KIF18A: variants seen among roughly 807,000 people sequenced by gnomAD.
The protein encoded by KIF18A is kinesin family member 18A.
A neutral mutation model predicts 103.3 loss-of-function variants in KIF18A; 67 were observed. The observed-to-expected ratio is 0.65, with a 90% CI of 0.53 to 0.79. The LOEUF (loss-of-function observed/expected upper bound fraction) is 0.79, where lower values mean the gene tolerates loss of function less well. KIF18A is among the 30% of genes least tolerant of loss of function. KIF18A has a pLI of 0.00. For missense variants in KIF18A, 1,032 were observed against 1,062.5 expected (o/e 0.97, Z 0.40); for synonymous variants, 367 against 355.5 (o/e 1.03, Z -0.36).
chr11:28,076,017 G>T (rs1851086725), intron 10 of KIF18A, among the ~76,000 whole-genome samples: 1 of 151,842 alleles, frequency 6.6e-6, no homozygotes, highest in South Asian at 2.1e-4. Context: ...TGGTTGGCAA[G>T]AATTTTTTTT....
intron 2 of KIF18A, among the ~76,000 whole-genome samples, chr11:28,096,391 T>C (rs945245896): frequency 2.0e-5 from 3 of 152,186 alleles, no homozygotes; most frequent in Admixed American, 6.5e-5. Context: ...GGTGTATATT[T>C]TACTTTGTTC....
chr11:28,088,434 A>T, intron 6 of KIF18A, 90 bp downstream of exon 6: 2 of 1,086,310 alleles, frequency 1.8e-6, no homozygotes, highest in Non-Finnish European at 1.4e-6. Flanking sequence ...GATATATATC[A>T]GACCTTTAAA....
intron 9 of KIF18A, among the ~76,000 whole-genome samples, chr11:28,077,799 T>G (rs553691713): frequency 2.6e-5 from 4 of 152,182 alleles, no homozygotes; most frequent in Admixed American, 6.5e-5. Context: ...AAGTTTATAA[T>G]GTGGTAAACC....
chr11:28,077,304 G>C, intron 9 of KIF18A, 135 bp from the exon 10 acceptor site: 6 of 542,338 alleles, frequency 1.1e-5, no homozygotes. Context: ...CAGCAAATAG[G>C]TAAAAATGAC....
chr11:28,025,803 C>G (rs1384591664), intron 15 of KIF18A, among the ~76,000 whole-genome samples: 1 of 151,814 alleles, frequency 6.6e-6, no homozygotes, highest in African/African-American at 2.4e-5. Flanking sequence ...AAACATATTC[C>G]CATAACTATA....
chr11:28,083,129 G>T, intron 8 of KIF18A, 40 bp downstream of exon 8: 1 of 1,561,166 alleles, frequency 6.4e-7, no homozygotes, highest in South Asian at 1.2e-5. Context: ...TATAAATGAA[G>T]AACTGCGCAA....
At chr11:28,091,537 A>C (rs1851304728) in intron 3 of KIF18A, 24 bp from the exon 4 acceptor site, 3 of 1,305,338 alleles carry the variant, frequency 2.3e-6, no homozygotes, top group Non-Finnish European at 3.3e-6. Flanking sequence ...GAACTGCTTT[A>C]GCATTGATGT....
At chr11:28,059,235 A>G in intron 12 of KIF18A, 74 bp from the exon 13 acceptor site, 1 of 1,013,968 alleles carries the variant, frequency 9.9e-7, no homozygotes. Flanking sequence ...TCTTTTATGT[A>G]ACACCCAAAG....
chr11:28,024,602 T>C (rs1220276551), intron 15 of KIF18A, among the ~76,000 whole-genome samples: 1 of 151,956 alleles, frequency 6.6e-6, no homozygotes, highest in Non-Finnish European at 1.5e-5. Context: ...AAAGTAAAAA[T>C]ATAGTGCCAA....
At chr11:28,056,929 A>G (rs1190609274) in intron 13 of KIF18A, 2 of 396,002 alleles carry the variant, frequency 5.1e-6, no homozygotes, top group East Asian at 1.2e-4. Flanking sequence ...AGGGGCTAAT[A>G]AACACCAGAT....
rs1042443102 is a variant in KIF18A at position 28,088,408 on chromosome 11, T to A, written c.897+116A>T. On this transcript the variant is annotated intron_variant, in intron 6 of 16. Coordinates refer to ENST00000263181, the MANE Select transcript of KIF18A (RefSeq NM_031217.4). ...TTGATCTATATATTAACATTACTGATATACCCTTGAAATGTGATATATATC... is the reference window on the plus strand; with the variant it reads ...TTGATCTATATATTAACATTACTGAAATACCCTTGAAATGTGATATATATC... 20 of 798,786 alleles carry A rather than the reference T, an allele frequency of 2.5e-5. No individual in the cohort carries two copies. The African/African-American group carries it at 3.5e-4, about 14-fold the overall frequency. The allele number at this position is 798,786 out of a possible 1,614,324, so 49.5% of individuals were successfully genotyped here. A position where few individuals can be genotyped will look rare whatever the true frequency, so the allele number is the denominator to read the frequency against.
chr11:28,090,378 T>C (rs1363525626), intron 5 of KIF18A, among the ~76,000 whole-genome samples: 1 of 152,224 alleles, frequency 6.6e-6, no homozygotes, highest in Non-Finnish European at 1.5e-5. Context: ...ACAAAACTTT[T>C]ATTACTACAA....
Position 28,043,704 on chromosome 11 carries a change from AAAAAC to A in KIF18A, c.1949-7045_1949-7041del, listed in dbSNP as rs1850592812. On this transcript the variant is annotated intron_variant, in intron 13 of 16. Transcript: ENST00000263181. The stretch of plus-strand genomic sequence containing the variant: ...ACAAAACAAAAACAAAAACAAAAAC[AAAAAC>A]CAAATCAAAGCGCACAAACCTCCTG... Among the ~76,000 whole-genome samples the A allele has an allele frequency of 2.9e-5, 3 of 104,380 alleles. 1 individual carries two copies. Among genetic ancestry groups the A allele is most frequent in the Non-Finnish European group, 6.3e-5 (3 of 47,638 alleles). The allele number at this position is 104,380 out of a possible 152,430, so 68.5% of individuals were successfully genotyped here.
intron 5 of KIF18A, among the ~76,000 whole-genome samples, chr11:28,090,363 CA>C (rs1212781382): frequency 6.6e-6 from 1 of 152,096 alleles, no homozygotes. Flanking sequence ...ATATTTTCAG[CA>C]AAAACAAAAC....
chr11:28,048,378 C>T (rs1160434239), intron 13 of KIF18A, among the ~76,000 whole-genome samples: 1 of 151,988 alleles, frequency 6.6e-6, no homozygotes, highest in Non-Finnish European at 1.5e-5. Flanking sequence ...TGTTAATTAG[C>T]AGGAGATTAG....
intron 13 of KIF18A, among the ~76,000 whole-genome samples, chr11:28,052,462 T>C (rs1426018463): frequency 7.2e-6 from 1 of 138,880 alleles, no homozygotes; most frequent in African/African-American, 2.9e-5. Context: ...CAAATTCCTA[T>C]GTTAGAGATT....
chr11:28,091,547 T>TAAA, intron 3 of KIF18A, 34 bp from the exon 4 acceptor site: 6 of 921,120 alleles, frequency 6.5e-6, no homozygotes, highest in South Asian at 1.6e-5. Context: ...AGCATTGATG[T>TAAA]AAAAAAAAAA....
intron 6 of KIF18A, among the ~76,000 whole-genome samples, 178 bp downstream of exon 6, chr11:28,088,342 GAAAT>G (rs1236690636): frequency 1.3e-5 from 2 of 151,842 alleles, no homozygotes; most frequent in African/African-American, 4.8e-5. Context: ...AATTAAAAAA[GAAAT>G]AAAAATCAGT....
chr11:28,065,206 G>T (rs1850903090), intron 11 of KIF18A, among the ~76,000 whole-genome samples: 1 of 151,880 alleles, frequency 6.6e-6, no homozygotes, highest in African/African-American at 2.4e-5. Flanking sequence ...AGAAGTTCTG[G>T]GTATCTGTCC....
Sources: gnomAD v4.1 joint callset for allele counts (sites outside exome capture counted in the v4.1 genomes callset) on GRCh38, gnomAD v4.1.1 for gene constraint, MANE v1.5 for transcripts, NCBI Gene and HGNC (gene_info 2026-07-23, HGNC 2026-07-21) for gene names.